RNFT2: variants seen among roughly 807,000 people sequenced by gnomAD.
RNFT2 encodes ring finger protein, transmembrane 2.
In RNFT2, 36 loss-of-function variants were observed where a neutral mutation model predicts 53.0. The observed-to-expected ratio is 0.68, with a 90% CI of 0.52 to 0.90. The LOEUF is 0.90. RNFT2 is among the 40% of genes least tolerant of loss of function. RNFT2 has a pLI of 0.00. For missense variants in RNFT2, 514 were observed against 585.6 expected, an observed-to-expected ratio of 0.88 and a Z score of 1.26; for synonymous variants, 260 against 253.2, an observed-to-expected ratio of 1.03 and a Z score of -0.26.
In RNFT2 at chr12:116,830,795, T is replaced by C. The variant is rs1385464939; in HGVS notation, c.883-2997T>C. ...CATGGTGGTGTGTAATCCCAGTTAC[T>C]TGAGAGCCTGAGACAGGAGAATTGC... On this transcript the variant is annotated intron_variant, in intron 7 of 10. Coordinates refer to ENST00000257575, the MANE Select transcript of RNFT2 (RefSeq NM_001382266.1). 3.3e-5 allele frequency among the ~76,000 whole-genome samples: 5 copies of C among 151,690 alleles called. No homozygotes were observed. The East Asian group carries it at 9.7e-4, about 29-fold the overall frequency.
intron 7 of RNFT2, among the ~76,000 whole-genome samples, chr12:116,795,417 A>AAAAAAAG (rs1874457415): frequency 6.6e-6 from 1 of 151,996 alleles, no homozygotes; most frequent in Non-Finnish European, 1.5e-5. Context: ...CCAGAAAAAA[A>AAAAAAAG]AAAAAAGAAA....
At chr12:116,762,416 CAAAG>C (rs1872725606) in intron 5 of RNFT2, among the ~76,000 whole-genome samples, 1 of 133,568 alleles carries the variant, frequency 7.5e-6, no homozygotes, top group Admixed American at 7.6e-5. Flanking sequence ...AAAAAAAAAA[CAAAG>C]AAAGAAATAG....
intron 7 of RNFT2, among the ~76,000 whole-genome samples, chr12:116,806,395 T>TAG (rs59185647): frequency 0.4 from 54,973 of 138,470 alleles, 13,432 homozygotes; most frequent in Non-Finnish European, 0.54. Context: ...TATATATATA[T>TAG]ATATAGATAG....
chr12:116,834,205 A>G (rs1490982740), intron 8 of RNFT2, among the ~76,000 whole-genome samples: 1 of 151,692 alleles, frequency 6.6e-6, no homozygotes, highest in Non-Finnish European at 1.5e-5. Flanking sequence ...TGCAACCTCC[A>G]CTCCTGGGTT....
chr12:116,744,044 T>A (rs907769639), intron 3 of RNFT2, among the ~76,000 whole-genome samples: 1 of 152,032 alleles, frequency 6.6e-6, no homozygotes, highest in African/African-American at 2.4e-5. Context: ...CTGGCCAACA[T>A]GCTGAAACCC....
intron 7 of RNFT2, among the ~76,000 whole-genome samples, chr12:116,823,377 T>C (rs956240881): frequency 4.6e-5 from 7 of 152,164 alleles, no homozygotes; most frequent in African/African-American, 1.7e-4. Flanking sequence ...GTTTTCATGT[T>C]ATAAATGGTG....
rs376227542 is a variant in RNFT2, at chr12:116,765,436, G to T, written c.628-1378G>T. Among the ~76,000 whole-genome samples, 24 of 152,248 alleles carry T rather than the reference G, an allele frequency of 1.6e-4. No individual in the cohort carries two copies. The East Asian group carries it at 4.3e-3, about 27-fold the overall frequency. ...AACAGTGCGTGGGGCACTGAGCTGT[G>T]TCTGGAGACACTGTGTATTGAGCAT... is the stretch of plus-strand genomic sequence containing the variant. On this transcript the variant is annotated intron_variant, in intron 5 of 10. Coordinates refer to ENST00000257575, the MANE Select transcript of RNFT2 (RefSeq NM_001382266.1).
chr12:116,755,685 C>G, intron 5 of RNFT2: 3 of 1,487,982 alleles, frequency 2.0e-6, no homozygotes, highest in Non-Finnish European at 2.8e-6. Flanking sequence ...ACATTGTAGA[C>G]TCTTCCAGTT....
intron 7 of RNFT2, among the ~76,000 whole-genome samples, chr12:116,832,148 A>C (rs7136986): frequency 1.8e-5 from 1 of 55,176 alleles, no homozygotes; most frequent in Non-Finnish European, 3.3e-5. Context: ...AAAAAAAAAA[A>C]ATATATATAT....
At chr12:116,772,596 C>T (rs1401062984) in intron 6 of RNFT2, among the ~76,000 whole-genome samples, 2 of 151,958 alleles carry the variant, frequency 1.3e-5, no homozygotes, top group East Asian at 1.9e-4. Context: ...TGAGCCATTG[C>T]GCCCAGCCCA....
At chr12:116,802,892 C>T (rs979032506) in intron 7 of RNFT2, among the ~76,000 whole-genome samples, 1 of 151,520 alleles carries the variant, frequency 6.6e-6, no homozygotes, top group African/African-American at 2.4e-5. Flanking sequence ...TCCAGGAGTT[C>T]GAACCCAGCC....
chr12:116,849,592 CT>C lies in RNFT2; in HGVS notation c.*145del, dbSNP rs1304781544. On this transcript the variant is annotated 3_prime_UTR_variant, in exon 11 of 11. Transcript: ENST00000257575. ...CACCTCTGACCCCAAAGTCCCGCCCCTGTCTTGTCCTTCTGACCTTCATCTT... is the reference window on the plus strand; with the variant it reads ...CACCTCTGACCCCAAAGTCCCGCCCCGTCTTGTCCTTCTGACCTTCATCTT... 6 of 1,410,798 alleles carry C rather than the reference CT, an allele frequency of 4.3e-6. No homozygotes were observed. Among genetic ancestry groups the C allele is most frequent in the Admixed American group, 2.7e-5 (1 of 36,528 alleles). 87.4% of individuals were successfully genotyped at this position (1,410,798 alleles called of 1,614,324 possible).
chr12:116,750,062 G>GA lies in RNFT2; in HGVS notation c.305_306insA (p.Glu103ArgfsTer80). On this transcript the variant is annotated frameshift_variant, in exon 4 of 11. Coordinates refer to ENST00000257575, the MANE Select transcript of RNFT2 (RefSeq NM_001382266.1). LOFTEE classifies it high-confidence loss of function. The stretch of plus-strand genomic sequence containing the variant: ...TCCAGGGAGGAAGGAGGGGGCCGGG[G>GA]CGAGGGGGGCGCCTACCACCACCGC... The GA allele has an allele frequency of 6.5e-7, 1 of 1,545,662 alleles. No homozygotes were observed. Among genetic ancestry groups the GA allele is most frequent in the Non-Finnish European group, 8.7e-7 (1 of 1,148,172 alleles).
At position 116,831,215 on chromosome 12, in the gene RNFT2, G is replaced by A. The variant is rs930302070; in HGVS notation, c.883-2577G>A. 2.0e-5 allele frequency among the ~76,000 whole-genome samples: 3 copies of A among 151,322 alleles called. No homozygotes were observed. The East Asian group carries it at 5.8e-4, about 29-fold the overall frequency. ...TCTCTCTACAAAAAAAAAAAAGAGA[G>A]AGAGAGAGATAATATCCTTCAACTT... On this transcript the variant is annotated intron_variant, in intron 7 of 10. Transcript: ENST00000257575.
chr12:116,821,685 C>T (rs1876032826), intron 7 of RNFT2, among the ~76,000 whole-genome samples: 1 of 152,122 alleles, frequency 6.6e-6, no homozygotes, highest in African/African-American at 2.4e-5. Context: ...GGAAGCAGTC[C>T]CTCCTGCTTA....
At chr12:116,837,509 C>T (rs1877040496) in intron 10 of RNFT2, among the ~76,000 whole-genome samples, 1 of 152,138 alleles carries the variant, frequency 6.6e-6, no homozygotes. Context: ...TCCTTTTTAA[C>T]ATCGACAAGC....
chr12:116,751,133 C>A (rs1034250902), intron 4 of RNFT2, among the ~76,000 whole-genome samples: 1 of 150,018 alleles, frequency 6.7e-6, no homozygotes, highest in Non-Finnish European at 1.5e-5. Context: ...CCAGGCTGGT[C>A]TCAAATTCCT....
intron 6 of RNFT2, among the ~76,000 whole-genome samples, chr12:116,775,344 T>TAGA (rs1873387353): frequency 1.3e-5 from 2 of 151,552 alleles, no homozygotes; most frequent in South Asian, 4.2e-4. Flanking sequence ...GTCACCAGTC[T>TAGA]AGACGGTGCT....
chr12:116,779,047 A>G (rs1873566251), intron 6 of RNFT2, 148 bp from the exon 7 acceptor site: 1 of 806,680 alleles, frequency 1.2e-6, no homozygotes, highest in Non-Finnish European at 2.0e-6. Context: ...GCAGGTTAGT[A>G]GCAGATTCAG....
Sources: gnomAD v4.1 joint callset for allele counts (sites outside exome capture counted in the v4.1 genomes callset) on GRCh38, gnomAD v4.1.1 for gene constraint, MANE v1.5 for transcripts, NCBI Gene and HGNC (gene_info 2026-07-23, HGNC 2026-07-21) for gene names.